Variants in INPP5F observed in about 807,000 individuals in gnomAD.
INPP5F encodes the protein phosphatidylinositide 4-phosphatase SAC2.
INPP5F carries 97 observed loss-of-function variants against 137.2 expected under a neutral mutation model. The observed-to-expected ratio is 0.71, with a 90% confidence interval of 0.60 to 0.84. The LOEUF (loss-of-function observed/expected upper bound fraction) is 0.84, where lower values mean the gene tolerates loss of function less well. INPP5F is among the 40% of genes least tolerant of loss of function. The pLI is 0.00. For synonymous variants in INPP5F, 504 were observed against 476.9 expected, an observed-to-expected ratio of 1.06 and a Z score of -0.74; for missense variants, 1,271 against 1,371.9, an observed-to-expected ratio of 0.93 and a Z score of 1.16.
At chr10:119,811,637 A>G in intron 14 of INPP5F, 120 bp from the exon 15 acceptor site, 1 of 749,402 alleles carries the variant, frequency 1.3e-6, no homozygotes. Context: ...AAGGTTACAA[A>G]GATTTATGCT....
chr10:119,793,135 A>T (rs906971940), intron 6 of INPP5F, among the ~76,000 whole-genome samples: 4 of 152,196 alleles, frequency 2.6e-5, no homozygotes, highest in African/African-American at 9.7e-5. Context: ...CTGTGTGCTG[A>T]CAATATCGAG....
intron 1 of INPP5F, among the ~76,000 whole-genome samples, chr10:119,745,485 T>A (rs1179807144): frequency 6.6e-6 from 1 of 152,082 alleles, no homozygotes; most frequent in Non-Finnish European, 1.5e-5. Flanking sequence ...ATGAAACTTT[T>A]GTTTCTGGTA....
At chr10:119,800,272 C>A (rs1850534711) in intron 9 of INPP5F, among the ~76,000 whole-genome samples, 5 of 151,818 alleles carry the variant, frequency 3.3e-5, no homozygotes, top group African/African-American at 1.2e-4. Flanking sequence ...TTTAAAAATG[C>A]CTGCTGGGCG....
chr10:119,775,697 T>C (rs1849502064), intron 2 of INPP5F, among the ~76,000 whole-genome samples: 1 of 152,170 alleles, frequency 6.6e-6, no homozygotes, highest in Non-Finnish European at 1.5e-5. Flanking sequence ...CATAGAAGAC[T>C]GAGTCATTCA....
chr10:119,788,045 G>A (rs1468462577), intron 3 of INPP5F, among the ~76,000 whole-genome samples: 1 of 152,230 alleles, frequency 6.6e-6, no homozygotes, highest in East Asian at 1.9e-4. Flanking sequence ...GCATGAAGTG[G>A]TTGGGGTTGA....
intron 1 of INPP5F, among the ~76,000 whole-genome samples, chr10:119,729,918 T>C (rs922213573): frequency 4.6e-5 from 7 of 152,010 alleles, no homozygotes; most frequent in Admixed American, 2.0e-4. Flanking sequence ...TTCCTTACTT[T>C]CCTCTTTAAC....
At chr10:119,756,783 TATATG>T (rs1848858123) in intron 2 of INPP5F, among the ~76,000 whole-genome samples, 1 of 148,466 alleles carries the variant, frequency 6.7e-6, no homozygotes. Flanking sequence ...TTTTAAAAAA[TATATG>T]ATAGAAGAAT....
At chr10:119,759,188 T>G (rs530601529) in intron 2 of INPP5F, among the ~76,000 whole-genome samples, 15 of 152,114 alleles carry the variant, frequency 9.9e-5, no homozygotes. Flanking sequence ...CCCAGCTAAT[T>G]TTTGTATTTT....
chr10:119,771,882 ATTTTTTTTTTTTTTTTTTTTT>A (rs544724525), intron 2 of INPP5F, among the ~76,000 whole-genome samples: 1 of 24,166 alleles, frequency 4.1e-5, no homozygotes, highest in Non-Finnish European at 6.6e-5. Flanking sequence ...ATATATATAT[ATTTTTTTTTTTTTTTTTTTTT>A]TTTTTTTTTT....
intron 1 of INPP5F, among the ~76,000 whole-genome samples, chr10:119,746,164 GC>G (rs2134117465): frequency 6.6e-6 from 1 of 152,188 alleles, no homozygotes; most frequent in East Asian, 1.9e-4. Context: ...CTGGTTCCTG[GC>G]AAGTACTTGA....
rs770204521 is a variant in INPP5F, at chr10:119,810,083, C to G, written c.1570-17C>G. 5.6e-6 allele frequency: 8 copies of G among 1,436,806 alleles called. No homozygotes were observed. Among genetic ancestry groups the G allele is most frequent in the Non-Finnish European group, 6.9e-6 (7 of 1,020,730 alleles). 89.0% of individuals were successfully genotyped at this position (1,436,806 alleles called of 1,614,324 possible). On this transcript the variant is annotated splice_polypyrimidine_tract_variant and intron_variant, in intron 13 of 19. Coordinates refer to ENST00000650623, the MANE Select transcript of INPP5F (RefSeq NM_014937.4). The stretch of plus-strand genomic sequence containing the variant: ...TTGTGTTTAAATAAGATGTCAAAAT[C>G]AGTTTTTGTTTGACAGGGTGACTTT...
chr10:119,827,479 C>G lies in INPP5F; in HGVS notation c.3098C>G (p.Ser1033Ter). Residue 1033 changes from serine (S) to a stop codon, truncating the protein, a stop_gained, in exon 20 of 20, where the codon TCA becomes TGA. Coordinates refer to ENST00000650623, the MANE Select transcript of INPP5F (RefSeq NM_014937.4). LOFTEE classifies it high-confidence loss of function. ...TTTTTGTCAGTTGAGCCAGCGCATT[C>G]AGTTGCATCTCAAAAAACCCCCACC... ...PQFLSVEPAH[S>*]VASQKTPTSA... 6.2e-7 allele frequency: 1 copy of G among 1,614,192 alleles called. No individual in the cohort carries two copies. Among genetic ancestry groups the G allele is most frequent in the Non-Finnish European group, 8.5e-7 (1 of 1,180,034 alleles).
chr10:119,813,669 A>G (rs913439974), intron 15 of INPP5F, among the ~76,000 whole-genome samples: 1 of 152,112 alleles, frequency 6.6e-6, no homozygotes. Context: ...AAAAAACACT[A>G]TGGTGAAACA....
chr10:119,729,540 G>C (rs932376232), intron 1 of INPP5F, among the ~76,000 whole-genome samples: 1 of 150,946 alleles, frequency 6.6e-6, no homozygotes, highest in Non-Finnish European at 1.5e-5. Flanking sequence ...ACCTGCACTT[G>C]TGTTATATTT....
rs762311100 is a variant in INPP5F at position 119,820,877 on chromosome 10, G to A, written c.1918G>A (p.Val640Met). 32 of 1,611,866 alleles carry A rather than the reference G, an allele frequency of 2.0e-5. No individual in the cohort carries two copies. In the South Asian group the frequency reaches 3.2e-4, roughly 16 times the overall value. The stretch of plus-strand genomic sequence containing the variant: ...TGATGCTACTCACAGAGACGTGGAT[G>A]TGCTGTTACTGCTTTCTAACTCTGC... ...LIDATHRDVD[V>M]LLLLSNSAYY... Residue 640 changes from valine to methionine, a missense_variant, in exon 16 of 20, where the codon GTG becomes ATG. Around this residue, in one of 6 missense-constraint regions of INPP5F, gnomAD observed 593 missense variants for 712.4 expected, o/e 0.83. Coordinates refer to ENST00000650623, the MANE Select transcript of INPP5F (RefSeq NM_014937.4).
intron 3 of INPP5F, among the ~76,000 whole-genome samples, chr10:119,785,283 A>ATTTTT (rs1849844041): frequency 1.2e-5 from 1 of 83,394 alleles, no homozygotes. Flanking sequence ...GAACTGCCAG[A>ATTTTT]CTGTTTTTTT....
intron 2 of INPP5F, among the ~76,000 whole-genome samples, chr10:119,767,049 G>GA (rs1433294454): frequency 7.6e-6 from 1 of 131,840 alleles, no homozygotes; most frequent in Non-Finnish European, 1.6e-5. Context: ...AGGTTGCAGT[G>GA]AGCTGAGATC....
intron 1 of INPP5F, among the ~76,000 whole-genome samples, chr10:119,726,891 G>A (rs1471113511): frequency 1.3e-5 from 2 of 152,154 alleles, no homozygotes; most frequent in Admixed American, 6.5e-5. Context: ...ATAGGCACTC[G>A]GTTTAAAGCC....
chr10:119,826,499 C>A, intron 19 of INPP5F, 132 bp from the exon 20 acceptor site: 1 of 691,678 alleles, frequency 1.4e-6, no homozygotes, highest in Non-Finnish European at 2.5e-6. Context: ...TGAGGGTTAT[C>A]TGTCAGTTAG....
Sources: gnomAD v4.1 joint callset for allele counts (sites outside exome capture counted in the v4.1 genomes callset) on GRCh38, gnomAD v4.1.1 for gene constraint, gnomAD v4.1.1 regional missense constraint, MANE v1.5 for transcripts, NCBI Gene and HGNC (gene_info 2026-07-23, HGNC 2026-07-21) for gene names.